Variants in GALNT17 observed in about 807,000 individuals in gnomAD.
GALNT17 encodes the protein polypeptide N-acetylgalactosaminyltransferase 17.
GALNT17 carries 29 observed loss-of-function variants against 63.7 expected under a neutral mutation model. The observed-to-expected ratio is 0.46, with a 90% CI of 0.34 to 0.62. The LOEUF is 0.62. GALNT17 is among the 20% of genes least tolerant of loss of function. The pLI, the probability that GALNT17 is intolerant of heterozygous loss-of-function variation, is 0.01. For synonymous variants in GALNT17, 305 were observed against 318.3 expected, an observed-to-expected ratio of 0.96 and a Z score of 0.45; for missense variants, 603 against 799.6, an observed-to-expected ratio of 0.75 and a Z score of 2.97.
At chr7:71,620,103 A>G (rs1439570752) in intron 6 of GALNT17, among the ~76,000 whole-genome samples, 1 of 152,206 alleles carries the variant, frequency 6.6e-6, no homozygotes, top group African/African-American at 2.4e-5. Flanking sequence ...AGTGATTTAT[A>G]TAAGTTGAGC....
In GALNT17 at chr7:71,388,297, A is replaced by G; in HGVS notation, c.485A>G (p.Asn162Ser). ...ATATCCATCATATTCATCTTCGTGA[A>G]CGAGGCCCTGTCGGTGATCCTGCGG... ...PQISIIFIFVNEALSVILRSV... is the reference protein window; with the variant it reads ...PQISIIFIFVSEALSVILRSV... The change falls in exon 3 of 11, where the codon AAC becomes AGC. Residue 162 changes from asparagine to serine, a missense_variant. By Grantham distance (46) the Asn-to-Ser change is conservative. Coordinates refer to ENST00000333538, the MANE Select transcript of GALNT17 (RefSeq NM_022479.3). 1.9e-6 allele frequency: 3 copies of G among 1,614,014 alleles called. No homozygotes were observed. Among genetic ancestry groups the G allele is most frequent in the Non-Finnish European group, 2.5e-6 (3 of 1,179,996 alleles).
At chr7:71,455,099 T>A (rs1787330439) in intron 5 of GALNT17, among the ~76,000 whole-genome samples, 1 of 148,956 alleles carries the variant, frequency 6.7e-6, no homozygotes, top group African/African-American at 2.5e-5. Context: ...GCCTGGGAGG[T>A]CAAGGCTACA....
chr7:71,526,157 G>C (rs1022306712), intron 5 of GALNT17, among the ~76,000 whole-genome samples: 6 of 152,154 alleles, frequency 3.9e-5, no homozygotes, highest in Non-Finnish European at 8.8e-5. Flanking sequence ...AGTCAAAAAT[G>C]TTCTCACTTA....
intron 5 of GALNT17, among the ~76,000 whole-genome samples, chr7:71,476,512 A>G (rs80258778): frequency 6.6e-6 from 1 of 152,094 alleles, no homozygotes; most frequent in Non-Finnish European, 1.5e-5. Flanking sequence ...AAAAAAAAAA[A>G]AAGAGTGAAG....
intron 1 of GALNT17, among the ~76,000 whole-genome samples, chr7:71,258,043 A>G (rs980145507): frequency 1.1e-4 from 17 of 152,112 alleles, no homozygotes; most frequent in African/African-American, 3.4e-4. Flanking sequence ...GCTAATACCA[A>G]TGAATTGAGA....
intron 2 of GALNT17, among the ~76,000 whole-genome samples, chr7:71,342,246 CA>C (rs1469997454): frequency 1.3e-5 from 2 of 152,118 alleles, no homozygotes; most frequent in Non-Finnish European, 2.9e-5. Flanking sequence ...TGGCTGAAAG[CA>C]AAAGGTGAGC....
At chr7:71,159,223 A>G (rs1788295003) in intron 1 of GALNT17, among the ~76,000 whole-genome samples, 1 of 144,332 alleles carries the variant, frequency 6.9e-6, no homozygotes, top group Non-Finnish European at 1.5e-5. Context: ...CTCTTACAAT[A>G]CTTGTCATTT....
chr7:71,196,406 T>C (rs967529440), intron 1 of GALNT17, among the ~76,000 whole-genome samples: 3 of 151,458 alleles, frequency 2.0e-5, no homozygotes, highest in Non-Finnish European at 4.4e-5. Flanking sequence ...TCCCAAAGTG[T>C]TGGGATTATA....
intron 5 of GALNT17, among the ~76,000 whole-genome samples, chr7:71,461,626 AT>A (rs1186973108): frequency 2.0e-5 from 3 of 152,228 alleles, no homozygotes; most frequent in Admixed American, 1.3e-4. Flanking sequence ...AACATACATC[AT>A]TTAAATTAAC....
chr7:71,520,803 G>A (rs1411996582), intron 5 of GALNT17, among the ~76,000 whole-genome samples: 1 of 152,118 alleles, frequency 6.6e-6, no homozygotes, highest in African/African-American at 2.4e-5. Flanking sequence ...GGCAGGAGGG[G>A]ATGGGGCCAC....
intron 1 of GALNT17, among the ~76,000 whole-genome samples, chr7:71,212,119 A>T (rs1789392006): frequency 6.6e-6 from 1 of 152,184 alleles, no homozygotes; most frequent in South Asian, 2.1e-4. Context: ...CCAGAAGCCC[A>T]GGAGGAAAAA....
At chr7:71,327,543 G>A (rs1443040561) in intron 1 of GALNT17, among the ~76,000 whole-genome samples, 1 of 152,122 alleles carries the variant, frequency 6.6e-6, no homozygotes, top group Non-Finnish European at 1.5e-5. Context: ...TGAGGACATA[G>A]CCAAACCATA....
chr7:71,147,166 C>T (rs1788039403), intron 1 of GALNT17, among the ~76,000 whole-genome samples: 1 of 152,058 alleles, frequency 6.6e-6, no homozygotes, highest in Non-Finnish European at 1.5e-5. Context: ...CATCTCTTTC[C>T]CTCATTGTAT....
intron 5 of GALNT17, among the ~76,000 whole-genome samples, chr7:71,451,017 G>A: frequency 6.6e-6 from 1 of 150,738 alleles, no homozygotes; most frequent in Non-Finnish European, 1.5e-5. Context: ...TGCCATGTTG[G>A]TGTGCTGCAC....
intron 1 of GALNT17, among the ~76,000 whole-genome samples, chr7:71,235,852 G>A (rs536310777): frequency 6.6e-6 from 1 of 152,270 alleles, no homozygotes; most frequent in East Asian, 1.9e-4. Flanking sequence ...CTGGTTCCCA[G>A]TGTCCTTGGA....
At chr7:71,168,724 TG>T (rs1562881201) in intron 1 of GALNT17, among the ~76,000 whole-genome samples, 1 of 151,954 alleles carries the variant, frequency 6.6e-6, no homozygotes, top group Non-Finnish European at 1.5e-5. Flanking sequence ...TGTGTGTGTG[TG>T]TGTGTGTGTG....
intron 6 of GALNT17, among the ~76,000 whole-genome samples, chr7:71,600,048 G>A (rs1427078333): frequency 2.0e-5 from 3 of 151,728 alleles, no homozygotes; most frequent in Admixed American, 6.6e-5. Flanking sequence ...TCCTTGCTTG[G>A]GAACCATGGA....
At chr7:71,270,538 C>CAAAAA (rs573250852) in intron 1 of GALNT17, among the ~76,000 whole-genome samples, 251 of 88,580 alleles carry the variant, frequency 2.8e-3, no homozygotes, top group African/African-American at 3.3e-3. Context: ...CCCACCCCAC[C>CAAAAA]AAAAAAAAAA....
chr7:71,329,683 T>C (rs1209090547), intron 1 of GALNT17, among the ~76,000 whole-genome samples: 5 of 151,952 alleles, frequency 3.3e-5, no homozygotes, highest in African/African-American at 1.2e-4. Context: ...GGGGAAGTGC[T>C]ACACACTTTT....
Sources: gnomAD v4.1 joint callset for allele counts (sites outside exome capture counted in the v4.1 genomes callset) on GRCh38, gnomAD v4.1.1 for gene constraint, MANE v1.5 for transcripts, NCBI Gene and HGNC (gene_info 2026-07-23, HGNC 2026-07-21) for gene names.